Variants in NRXN1 observed in about 807,000 individuals in gnomAD.
NRXN1 encodes neurexin 1.
NRXN1 carries 39 observed loss-of-function variants against 150.9 expected under a neutral mutation model. That is an observed-to-expected ratio of 0.26 (90% CI 0.20 to 0.34). The LOEUF is 0.34. Among genes scored for constraint, NRXN1 ranks in the 10% least tolerant of loss-of-function variants. The probability of loss-of-function intolerance (pLI) is 1.00; values close to 1 mark genes in which losing one functional copy is unlikely to be tolerated. For missense variants in NRXN1, 1,815 were observed against 1,949.9 expected (o/e 0.93, Z 1.30); for synonymous variants, 924 against 757.0 (o/e 1.22, Z -3.62).
chr2:50,459,956 T>A (rs940880426), intron 17 of NRXN1, among the ~76,000 whole-genome samples: 3 of 152,096 alleles, frequency 2.0e-5, no homozygotes, highest in Admixed American at 6.6e-5. Flanking sequence ...GGAAGTAACA[T>A]GATAAACACG....
Position 50,864,702 on chromosome 2 carries a change from C to A in NRXN1, c.832+57167G>T, listed in dbSNP as rs542607165. On this transcript the variant is annotated intron_variant, in intron 5 of 22. Transcript: ENST00000401669. ...TGTGTACTGATTTTTAAGAAAGTGT[C>A]CCAAAATCTCTGGGCCTTTTCCAAA... Among the ~76,000 whole-genome samples the A allele has an allele frequency of 2.0e-5, 3 of 152,094 alleles. No individual in the cohort carries two copies. In the East Asian group the frequency reaches 5.8e-4, roughly 30 times the overall value.
At chr2:50,993,830 C>T (rs890903643) in intron 2 of NRXN1, among the ~76,000 whole-genome samples, 1 of 151,906 alleles carries the variant, frequency 6.6e-6, no homozygotes, top group Non-Finnish European at 1.5e-5. Flanking sequence ...CTAAGCTATT[C>T]CTTGGTAAGA....
intron 17 of NRXN1, among the ~76,000 whole-genome samples, chr2:50,337,827 T>C (rs1364067443): frequency 2.0e-5 from 3 of 152,222 alleles, no homozygotes; most frequent in African/African-American, 7.2e-5. Flanking sequence ...CACAAATTTT[T>C]CATTTAAAAA....
At chr2:50,197,950 T>C (rs1373839557) in intron 18 of NRXN1, among the ~76,000 whole-genome samples, 1 of 152,150 alleles carries the variant, frequency 6.6e-6, no homozygotes, top group African/African-American at 2.4e-5. Flanking sequence ...AAAAAGAAAT[T>C]CCAGTTGGTT....
rs376149953 is a variant in NRXN1 at position 50,251,830 on chromosome 2, C to T, written c.3365-14860G>A. Among the ~76,000 whole-genome samples, 11 of 152,232 alleles carry T rather than the reference C, an allele frequency of 7.2e-5. No homozygotes were observed. In the East Asian group the frequency reaches 1.5e-3, roughly 21 times the overall value. On this transcript the variant is annotated intron_variant, in intron 17 of 22. Transcript: ENST00000401669. The stretch of plus-strand genomic sequence containing the variant: ...TGATTGTTGGCAGCATAAATGTTTT[C>T]TTTTGACAAATGTCTGTTAATGCCC...
At chr2:50,897,030 T>G (rs4971567) in intron 5 of NRXN1, among the ~76,000 whole-genome samples, 150,095 of 152,226 alleles carry the variant, frequency 0.99, 74,008 homozygotes, top group East Asian at 1. Context: ...GGTCTGAAAA[T>G]TCTCCTAGAA....
At chr2:50,345,469 C>T (rs1452031226) in intron 17 of NRXN1, among the ~76,000 whole-genome samples, 1 of 152,034 alleles carries the variant, frequency 6.6e-6, no homozygotes, top group African/African-American at 2.4e-5. Flanking sequence ...TGAAAGGTGA[C>T]GGGTCCTGCA....
intron 8 of NRXN1, among the ~76,000 whole-genome samples, chr2:50,601,334 G>T (rs912217169): frequency 2.6e-5 from 4 of 152,042 alleles, no homozygotes; most frequent in Admixed American, 2.6e-4. Context: ...ATCCAAACAG[G>T]GTTTTTGAGA....
chr2:50,105,619 T>TTAG (rs527486739), intron 18 of NRXN1, among the ~76,000 whole-genome samples: 91 of 152,136 alleles, frequency 6.0e-4, no homozygotes, highest in African/African-American at 1.9e-3. Context: ...CAAAACAAGG[T>TTAG]TAGTCATGGA....
intron 18 of NRXN1, among the ~76,000 whole-genome samples, chr2:50,139,324 C>CAA (rs35142652): frequency 5.3e-4 from 41 of 77,340 alleles, no homozygotes; most frequent in African/African-American, 1.2e-3. Flanking sequence ...GACTTGGTAT[C>CAA]AAAAAAAAAA....
intron 5 of NRXN1, among the ~76,000 whole-genome samples, chr2:50,663,102 A>G (rs1191642248): frequency 6.6e-6 from 1 of 152,072 alleles, no homozygotes. Context: ...AAACATGTCC[A>G]AGACATCTTC....
intron 18 of NRXN1, among the ~76,000 whole-genome samples, chr2:50,155,790 A>G (rs910635044): frequency 8.6e-5 from 13 of 151,614 alleles, no homozygotes; most frequent in African/African-American, 3.1e-4. Flanking sequence ...ATTCATATAA[A>G]CTATATGCAA....
chr2:50,870,182 T>C (rs1010771931), intron 5 of NRXN1, among the ~76,000 whole-genome samples: 1 of 151,926 alleles, frequency 6.6e-6, no homozygotes, highest in African/African-American at 2.4e-5. Flanking sequence ...TACATTACTC[T>C]CCAAATTCCT....
intron 18 of NRXN1, among the ~76,000 whole-genome samples, chr2:50,145,993 A>G (rs1707957905): frequency 6.6e-6 from 1 of 151,668 alleles, no homozygotes. Flanking sequence ...AGTTTCCCCA[A>G]ATTGGTAAAC....
Position 50,237,045 on chromosome 2 carries a change from A to G in NRXN1, c.3365-75T>C, listed in dbSNP as rs2065515604. 6 of 1,377,342 alleles carry G rather than the reference A, an allele frequency of 4.4e-6. No individual in the cohort carries two copies. In the South Asian group the frequency reaches 7.0e-5, roughly 16 times the overall value. 85.3% of individuals were successfully genotyped at this position (1,377,342 alleles called of 1,614,324 possible). A position where few individuals can be genotyped will look rare whatever the true frequency, so the allele number is the denominator to read the frequency against. ...CATTAGCAAGGCATGTTATATTGAT[A>G]TATCAGTAAAGTATCAACTCTACAC... is the stretch of plus-strand genomic sequence containing the variant. On this transcript the variant is annotated intron_variant, in intron 17 of 22. Transcript: ENST00000401669.
intron 17 of NRXN1, among the ~76,000 whole-genome samples, chr2:50,301,819 C>T (rs1009973159): frequency 2.0e-5 from 3 of 152,120 alleles, no homozygotes; most frequent in Non-Finnish European, 4.4e-5. Flanking sequence ...AGCATGGTGC[C>T]TACTAAGTGC....
At position 50,243,121 on chromosome 2, in the gene NRXN1, G is replaced by T. The variant is rs75450315; in HGVS notation, c.3365-6151C>A. ...TCTGTTGCACAGTAGGGTGACTATG[G>T]TTAATATTATTATATTGTAAATTTC... is the stretch of plus-strand genomic sequence containing the variant. On this transcript the variant is annotated intron_variant, in intron 17 of 22. Transcript: ENST00000401669. Among the ~76,000 whole-genome samples the T allele has an allele frequency of 1.8e-3, 269 of 151,766 alleles. 1 individual carries two copies. The highest frequency in any genetic ancestry group is 6.3e-3 in the African/African-American group (261 of 41,494).
Position 50,646,981 on chromosome 2 carries a change from A to T in NRXN1, c.833-23366T>A, listed in dbSNP as rs567319530. On this transcript the variant is annotated intron_variant, in intron 5 of 22. Coordinates refer to ENST00000401669, the MANE Select transcript of NRXN1 (RefSeq NM_001330078.2). ...AGAATATTTCTAATGAAGATGTAAA[A>T]GATCCACTCAAAACTCAAGCATTAT... Among the ~76,000 whole-genome samples, 7 of 151,980 alleles carry T rather than the reference A, an allele frequency of 4.6e-5. No homozygotes were observed. In the South Asian group the frequency reaches 1.2e-3, roughly 27 times the overall value.
chr2:50,070,780 A>AG (rs975840994), intron 19 of NRXN1, among the ~76,000 whole-genome samples: 3 of 150,670 alleles, frequency 2.0e-5, no homozygotes, highest in Non-Finnish European at 4.4e-5. Flanking sequence ...AAAAAAAAAA[A>AG]AAAAAAAAAC....
Sources: allele counts gnomAD v4.1 joint callset (sites outside exome capture counted in the v4.1 genomes callset), GRCh38; gene constraint gnomAD v4.1.1; transcripts MANE v1.5; gene names NCBI Gene and HGNC (gene_info 2026-07-23, HGNC 2026-07-21).